The following TNRC18 variants were observed in gnomAD, a reference collection of about 807,000 sequenced individuals.
The protein encoded by TNRC18 is trinucleotide repeat-containing gene 18 protein.
TNRC18 carries 69 observed loss-of-function variants against 226.7 expected under a neutral mutation model. The ratio of observed to expected loss-of-function variants is 0.30; its 90% CI spans 0.25 to 0.37. The LOEUF (loss-of-function observed/expected upper bound fraction) is 0.37, where lower values mean the gene tolerates loss of function less well. Among genes scored for constraint, TNRC18 ranks in the 10% least tolerant of loss-of-function variants. The probability of loss-of-function intolerance (pLI) is 1.00; values close to 1 mark genes in which losing one functional copy is unlikely to be tolerated. For missense variants in TNRC18, 4,754 were observed against 4,256.6 expected, an observed-to-expected ratio of 1.12 and a Z score of -3.25; for synonymous variants, 2,449 against 1,927.6, an observed-to-expected ratio of 1.27 and a Z score of -7.09.
chr7:5,405,585 A>ACAAAG (rs1185234257), intron 2 of TNRC18, among the ~76,000 whole-genome samples: 1 of 151,996 alleles, frequency 6.6e-6, no homozygotes, highest in African/African-American at 2.4e-5. Context: ...ACAAAACAAA[A>ACAAAG]CAAAACAAAA....
intron 24 of TNRC18, among the ~76,000 whole-genome samples, chr7:5,318,316 G>C (rs1788047963): frequency 1.3e-5 from 2 of 152,262 alleles, no homozygotes; most frequent in East Asian, 1.9e-4. Flanking sequence ...ACCGCAGCTG[G>C]TGGACAATTT....
rs991630304 is a variant in TNRC18 at position 5,423,471 on chromosome 7, CCGGCGACAACGACT to C, written c.-288_-275del. On this transcript the variant is annotated 5_prime_UTR_variant, in exon 1 of 30. An upstream open reading frame in the 5' UTR gains an earlier in-frame stop. Transcript: ENST00000430969. ...GCGGCTGGGTTCACGGCTCCAGGCT[CCGGCGACAACGACT>C]CCGGCGGCGGCCCCGGCTCCCGGCG... is the stretch of plus-strand genomic sequence containing the variant. 2 of 152,142 alleles carry C rather than the reference CCGGCGACAACGACT, an allele frequency of 1.3e-5. No individual in the cohort carries two copies. Among genetic ancestry groups the C allele is most frequent in the African/African-American group, 4.8e-5 (2 of 41,452 alleles). 9.4% of individuals were successfully genotyped at this position (152,142 alleles called of 1,614,324 possible). A position where few individuals can be genotyped will look rare whatever the true frequency, so the allele number is the denominator to read the frequency against.
chr7:5,313,315 C>A lies in TNRC18; in HGVS notation c.7576G>T (p.Ala2526Ser). Residue 2526 changes from alanine (A) to serine (S), a missense_variant, in exon 27 of 30, where the codon GCC (alanine) becomes TCC (serine). Coordinates refer to ENST00000430969, the MANE Select transcript of TNRC18 (RefSeq NM_001080495.3). The part of the protein sequence containing the change: ...PWPKATDGDL[A>S]QEPGPGLTFE... ...GTGAGCCCCGGCCCGGGCTCCTGGG[C>A]GAGGTCCCCGTCGGTGGCCTTGGGC... is the stretch of plus-strand genomic sequence containing the variant. 6.5e-7 allele frequency: 1 copy of A among 1,549,552 alleles called. No homozygotes were observed. Among genetic ancestry groups the A allele is most frequent in the Non-Finnish European group, 8.7e-7 (1 of 1,147,282 alleles).
intron 25 of TNRC18, 21 bp downstream of exon 25, chr7:5,315,933 GGT>G (rs778885562): frequency 5.6e-5 from 86 of 1,529,646 alleles, no homozygotes; most frequent in South Asian, 3.0e-4. Context: ...CAGGAGACCG[GGT>G]GTCATGAGCT....
At chr7:5,323,599 T>C in intron 21 of TNRC18, among the ~76,000 whole-genome samples, 1 of 150,152 alleles carries the variant, frequency 6.7e-6, no homozygotes. Flanking sequence ...AGTTTTGCTC[T>C]TTGCCCAGGC....
chr7:5,381,297 T>C (rs766265245), intron 5 of TNRC18, among the ~76,000 whole-genome samples: 6 of 152,156 alleles, frequency 3.9e-5, no homozygotes, highest in Non-Finnish European at 7.3e-5. Context: ...ATCCTGGTCC[T>C]ATCTGTCACC....
Position 5,376,197 on chromosome 7 carries a change from G to A in TNRC18, c.2636C>T (p.Pro879Leu), listed in dbSNP as rs577932642. ...CGGGTACAGGGCGGGCCAGAGGGGC[G>A]GTACGGTGGCCCGCTCCATCAGCTC... is the stretch of plus-strand genomic sequence containing the variant. The part of the protein sequence containing the change: ...FAELMERATV[P>L]PLWPALYPPG... Residue 879 changes from proline (P) to leucine (L), a missense_variant, in exon 9 of 30, where the codon CCG (proline) becomes CTG (leucine). Physicochemically the swap from Pro to Leu is moderately conservative, Grantham distance 98 (BLOSUM62 -3). Transcript: ENST00000430969. The A allele has an allele frequency of 1.6e-5, 25 of 1,526,500 alleles. No homozygotes were observed. The highest frequency in any genetic ancestry group is 4.3e-5 in the Admixed American group (2 of 46,398). 94.6% of individuals were successfully genotyped at this position (1,526,500 alleles called of 1,614,324 possible).
In TNRC18 at chr7:5,370,576, C is replaced by A; in HGVS notation, c.4018G>T (p.Ala1340Ser). ...GCTGCCGCCAGGGCGTTCATGCCAGCCAGTGGGTCCTCCAGACTGGGCAGG... is the reference window on the plus strand; with the variant it reads ...GCTGCCGCCAGGGCGTTCATGCCAGACAGTGGGTCCTCCAGACTGGGCAGG... ...QFLPSLEDPL[A>S]GMNALAAAAE... The change falls in exon 11 of 30, where the codon GCT becomes TCT. Residue 1340 changes from alanine to serine, a missense_variant. Transcript: ENST00000430969. The A allele has an allele frequency of 1.2e-6, 2 of 1,612,874 alleles. No individual in the cohort carries two copies. Among genetic ancestry groups the A allele is most frequent in the Admixed American group, 1.7e-5 (1 of 59,880 alleles).
intron 18 of TNRC18, 45 bp downstream of exon 18, chr7:5,345,517 G>GGGGGGGGCCCCCCCCCCCCC: frequency 1.6e-5 from 6 of 377,732 alleles, no homozygotes; most frequent in Non-Finnish European, 2.9e-5. Context: ...AATGGCGTCC[G>GGGGGGGGCCCCCCCCCCCCC]CCCCTCCCAC....
intron 11 of TNRC18, among the ~76,000 whole-genome samples, chr7:5,369,602 ACACAGAGAG>A (rs1033669174): frequency 1.1e-4 from 16 of 152,236 alleles, no homozygotes; most frequent in Admixed American, 9.2e-4. Context: ...GGAGACGGGG[ACACAGAGAG>A]AGAGAGACTA....
At chr7:5,412,598 T>A (rs1781916857) in intron 2 of TNRC18, among the ~76,000 whole-genome samples, 1 of 150,952 alleles carries the variant, frequency 6.6e-6, no homozygotes, top group Admixed American at 6.6e-5. Flanking sequence ...TAAAATAAAA[T>A]AAAAATAAAA....
rs186990093 is a variant in TNRC18, at chr7:5,343,970, A to G, written c.5719+1592T>C. Among the ~76,000 whole-genome samples the G allele has an allele frequency of 1.0e-3, 158 of 152,348 alleles. 2 individuals carry two copies. The highest frequency in any genetic ancestry group is 1.4e-3 in the Admixed American group (22 of 15,300). On this transcript the variant is annotated intron_variant, in intron 18 of 29. Transcript: ENST00000430969. ...AGAAAATAACAAAGAGTAGAAACCA[A>G]TGAAACTAATCACGTCTAGCCAGAC... is the stretch of plus-strand genomic sequence containing the variant.
rs752577666 is a variant in TNRC18 at position 5,313,328 on chromosome 7, G to A, written c.7563C>T (p.Thr2521=). The part of the protein sequence containing the change: ...SEPKAPWPKA[T]DGDLAQEPGP... ...CGGGCTCCTGGGCGAGGTCCCCGTCGGTGGCCTTGGGCCAGGGTGCCTTGG... is the reference window on the plus strand; with the variant it reads ...CGGGCTCCTGGGCGAGGTCCCCGTCAGTGGCCTTGGGCCAGGGTGCCTTGG... The change falls in exon 27 of 30, where the codon ACC becomes ACT. Residue 2521 remains threonine, a synonymous_variant. Coordinates refer to ENST00000430969, the MANE Select transcript of TNRC18 (RefSeq NM_001080495.3). 2.6e-6 allele frequency: 4 copies of A among 1,552,448 alleles called. No homozygotes were observed. The highest frequency in any genetic ancestry group is 2.7e-5 in the African/African-American group (2 of 73,186).
At chr7:5,353,578 A>G (rs1318887457) in intron 16 of TNRC18, among the ~76,000 whole-genome samples, 47 of 151,120 alleles carry the variant, frequency 3.1e-4, no homozygotes, top group Middle Eastern at 3.4e-3. Context: ...AAAAAAAAAA[A>G]AAACCCACAG....
At chr7:5,320,507 C>T (rs767308782) in intron 23 of TNRC18, 25 bp downstream of exon 23, 25 of 1,592,932 alleles carry the variant, frequency 1.6e-5, no homozygotes, top group East Asian at 2.3e-5. Flanking sequence ...CCGAGCCTCC[C>T]GAGGCCCCGC....
chr7:5,385,302 C>G (rs1779682139), intron 5 of TNRC18, among the ~76,000 whole-genome samples: 1 of 152,086 alleles, frequency 6.6e-6, no homozygotes, highest in African/African-American at 2.4e-5. Context: ...TCCTGGCTAA[C>G]AAGGTGAAAC....
intron 11 of TNRC18, among the ~76,000 whole-genome samples, chr7:5,366,414 C>A (rs753430098): frequency 7.0e-4 from 97 of 137,810 alleles, no homozygotes; most frequent in Non-Finnish European, 1.3e-3. Context: ...GCAACCTTCG[C>A]CTCCTGGATT....
chr7:5,309,401 T>C lies in TNRC18; in HGVS notation c.8389-33A>G, dbSNP rs1343524225. On this transcript the variant is annotated intron_variant, in intron 27 of 29. Transcript: ENST00000430969. This position sits in a 1 kb window ranked among gnomAD's most constrained non-coding sequence, Gnocchi z 5.7. ...GACACGTGTGTCACGGCACAGGCCC[T>C]GGCCCAGCCCCAAGGAGCCCGCCGC... 1.9e-6 allele frequency: 3 copies of C among 1,568,092 alleles called. No individual in the cohort carries two copies. Among genetic ancestry groups the C allele is most frequent in the Admixed American group, 1.8e-5 (1 of 54,376 alleles).
At chr7:5,349,169 G>A (rs1330594855) in intron 17 of TNRC18, among the ~76,000 whole-genome samples, 1 of 152,202 alleles carries the variant, frequency 6.6e-6, no homozygotes, top group Non-Finnish European at 1.5e-5. Flanking sequence ...CCCAATGCCC[G>A]CACCTCGGCA....
Sources: allele counts gnomAD v4.1 joint callset (sites outside exome capture counted in the v4.1 genomes callset), GRCh38; gene constraint gnomAD v4.1.1; non-coding constraint Gnocchi (gnomAD v3.1); transcripts MANE v1.5; gene names NCBI Gene and HGNC (gene_info 2026-07-23, HGNC 2026-07-21).